The following THEMIS variants were observed in gnomAD, a reference collection of about 807,000 sequenced individuals.
The protein encoded by THEMIS is thymocyte selection associated.
In THEMIS, 37 loss-of-function variants were observed where a neutral mutation model predicts 52.6. That is an observed-to-expected ratio of 0.70 (90% CI 0.54 to 0.93). The LOEUF is 0.93. Among genes scored for constraint, THEMIS ranks in the 40% least tolerant of loss-of-function variants. The pLI, the probability that THEMIS is intolerant of heterozygous loss-of-function variation, is 0.00. For synonymous variants in THEMIS, 292 were observed against 272.7 expected (o/e 1.07, Z -0.70); for missense variants, 808 against 763.1 (o/e 1.06, Z -0.69).
chr6:127,833,523 C>T (rs769013804), intron 2 of THEMIS, among the ~76,000 whole-genome samples: 15 of 152,144 alleles, frequency 9.9e-5, no homozygotes, highest in Non-Finnish European at 2.1e-4. Context: ...ATCCTGCCAC[C>T]AAGCCAGTCT....
At chr6:127,723,281 C>G (rs1774426402) in intron 4 of THEMIS, among the ~76,000 whole-genome samples, 1 of 151,988 alleles carries the variant, frequency 6.6e-6, no homozygotes, top group African/African-American at 2.4e-5. Flanking sequence ...CTTGTTTTAC[C>G]TGCCAGACTT....
At chr6:127,900,621 A>T (rs1781106746) in intron 1 of THEMIS, among the ~76,000 whole-genome samples, 1 of 152,034 alleles carries the variant, frequency 6.6e-6, no homozygotes, top group Non-Finnish European at 1.5e-5. Context: ...AGCTTCACTC[A>T]ATTCCTTATT....
At chr6:127,742,301 T>A (rs1583220855) in intron 4 of THEMIS, among the ~76,000 whole-genome samples, 1 of 132,036 alleles carries the variant, frequency 7.6e-6, no homozygotes. Flanking sequence ...AGTGACAGAG[T>A]GAGACTCTGC....
In THEMIS at chr6:127,838,000, T is replaced by C. The variant is rs182441870; in HGVS notation, c.251-8066A>G. Among the ~76,000 whole-genome samples the C allele has an allele frequency of 2.6e-5, 4 of 152,236 alleles. No individual in the cohort carries two copies. The East Asian group carries it at 7.7e-4, about 29-fold the overall frequency. On this transcript the variant is annotated intron_variant, in intron 2 of 5. Transcript: ENST00000368248. ...TACAAATAATTCTAAAATGATTATT[T>C]CTTTGGAGTTGATTCGACAAGTGGA...
At chr6:127,861,783 CAAAAAA>C (rs1225783673) in intron 1 of THEMIS, among the ~76,000 whole-genome samples, 9 of 95,708 alleles carry the variant, frequency 9.4e-5, no homozygotes, top group African/African-American at 1.5e-4. Context: ...GACTCCATCT[CAAAAAA>C]AAAAAAAAAA....
At chr6:127,752,530 C>A (rs1012641277) in intron 4 of THEMIS, among the ~76,000 whole-genome samples, 2 of 151,412 alleles carry the variant, frequency 1.3e-5, no homozygotes, top group African/African-American at 4.8e-5. Flanking sequence ...TATACACCAA[C>A]ATATTGGTAA....
chr6:127,901,204 G>T, upstream of THEMIS: 1 of 488,300 alleles, frequency 2.0e-6, no homozygotes, highest in South Asian at 2.9e-5. Flanking sequence ...ATGGGGGTGG[G>T]GTGAACAGAC....
In THEMIS at chr6:127,786,601, G is replaced by C. The variant is rs568301558; in HGVS notation, c.1758+26282C>G. Among the ~76,000 whole-genome samples the C allele has an allele frequency of 3.9e-5, 6 of 152,136 alleles. No individual in the cohort carries two copies. In the South Asian group the frequency reaches 8.3e-4, roughly 21 times the overall value. ...TCTTAAGCCTCACAACAATTCTCTA[G>C]GGCATGTTACTATGCTTGTTTTATG... On this transcript the variant is annotated intron_variant, in intron 4 of 5. Transcript: ENST00000368248.
intron 4 of THEMIS, among the ~76,000 whole-genome samples, chr6:127,757,885 G>T (rs72965789): frequency 6.6e-6 from 1 of 151,856 alleles, no homozygotes; most frequent in Non-Finnish European, 1.5e-5. Context: ...AGAGCGATCA[G>T]GTAATAAAGG....
rs532328562 is a variant in THEMIS at position 127,757,997 on chromosome 6, TAC to T, written c.1759-38176_1759-38175del. On this transcript the variant is annotated intron_variant, in intron 4 of 5. Coordinates refer to ENST00000368248, the MANE Select transcript of THEMIS (RefSeq NM_001010923.3). Reference sequence around the variant, plus strand: ...ATATTCACATACGAATATGTATATATACACACACCCACACACATAGATATATG... The same window carrying T: ...ATATTCACATACGAATATGTATATATACACACCCACACACATAGATATATG... Among the ~76,000 whole-genome samples the T allele has an allele frequency of 2.2e-3, 331 of 151,952 alleles. 4 individuals carry two copies. Among genetic ancestry groups the T allele is most frequent in the Admixed American group, 0.02 (307 of 15,244 alleles).
chr6:127,863,559 G>A (rs932199492), intron 1 of THEMIS, among the ~76,000 whole-genome samples: 1 of 152,170 alleles, frequency 6.6e-6, no homozygotes, highest in Non-Finnish European at 1.5e-5. Flanking sequence ...TTTGAAGACA[G>A]CTGTTCTTTC....
intron 4 of THEMIS, among the ~76,000 whole-genome samples, chr6:127,744,461 T>C (rs1775315325): frequency 6.6e-6 from 1 of 151,744 alleles, no homozygotes; most frequent in Non-Finnish European, 1.5e-5. Flanking sequence ...AGAAAGAAAA[T>C]GGGATATATT....
At position 127,915,545 on chromosome 6, in the gene THEMIS, C is replaced by T. The variant is rs547416571; in HGVS notation, c.-150+2883G>A. On this transcript the variant is annotated intron_variant, in intron 1 of 6. Coordinates refer to the THEMIS transcript ENST00000368250. ...GATGGGCTCTGTACTCTGCTTGGGG[C>T]AGGAGGGGGCTAGGGGTGGGGAGAG... Among the ~76,000 whole-genome samples the T allele has an allele frequency of 2.2e-5, 3 of 135,706 alleles. No individual in the cohort carries two copies. In the Admixed American group the frequency reaches 2.3e-4, roughly 10 times the overall value. 89.0% of individuals were successfully genotyped at this position (135,706 alleles called of 152,430 possible).
intron 4 of THEMIS, among the ~76,000 whole-genome samples, chr6:127,772,523 T>TA (rs1562247627): frequency 6.6e-6 from 1 of 152,070 alleles, no homozygotes; most frequent in African/African-American, 2.4e-5. Context: ...GCATCTGAGC[T>TA]AAAAAAGCAT....
At chr6:127,738,462 C>A (rs1041888669) in intron 4 of THEMIS, among the ~76,000 whole-genome samples, 5 of 152,144 alleles carry the variant, frequency 3.3e-5, no homozygotes, top group African/African-American at 1.2e-4. Context: ...CAAAGAGTTA[C>A]AAGGTTTTTC....
chr6:127,912,278 A>G (rs1024397265), intron 1 of THEMIS, among the ~76,000 whole-genome samples: 3 of 152,190 alleles, frequency 2.0e-5, no homozygotes, highest in Non-Finnish European at 4.4e-5. Context: ...TTCTACCCCC[A>G]TAGTACCTAG....
chr6:127,719,643 C>G (rs1367773089), intron 5 of THEMIS, 45 bp downstream of exon 5: 2 of 1,543,032 alleles, frequency 1.3e-6, no homozygotes, highest in Non-Finnish European at 1.7e-6. Context: ...GTCATGTGGA[C>G]AGTTAAACCA....
chr6:127,706,086 C>A (rs985916019), downstream of THEMIS, among the ~76,000 whole-genome samples: 7 of 151,800 alleles, frequency 4.6e-5, no homozygotes, highest in African/African-American at 1.5e-4. Flanking sequence ...ATAACAAGGA[C>A]TAGATGAGTA....
At chr6:127,900,100 G>T (rs1273623419) in intron 1 of THEMIS, among the ~76,000 whole-genome samples, 2 of 151,454 alleles carry the variant, frequency 1.3e-5, no homozygotes, top group Non-Finnish European at 2.9e-5. Context: ...CCACTCTTGA[G>T]GCCAGAAATA....
Sources: gnomAD v4.1 joint callset for allele counts (sites outside exome capture counted in the v4.1 genomes callset) on GRCh38, gnomAD v4.1.1 for gene constraint, MANE v1.5 for transcripts, NCBI Gene and HGNC (gene_info 2026-07-23, HGNC 2026-07-21) for gene names.